Variants in KCNN2 observed in about 807,000 individuals in gnomAD.
KCNN2 encodes the protein small conductance calcium-activated potassium channel protein 2.
Under a neutral mutation model 55.5 loss-of-function variants are expected in KCNN2, and 24 were observed. That is an observed-to-expected ratio of 0.43 (90% confidence interval 0.31 to 0.61). KCNN2 has a LOEUF of 0.61. Ranked by LOEUF, KCNN2 falls within the 20% of genes least tolerant of loss-of-function variation. The pLI, the probability that KCNN2 is intolerant of heterozygous loss-of-function variation, is 0.08. For missense variants in KCNN2, 754 were observed against 853.6 expected (o/e 0.88, Z 1.45); for synonymous variants, 431 against 336.1 (o/e 1.28, Z -3.09).
At chr5:114,377,882 A>G (rs981016767) in intron 2 of KCNN2, among the ~76,000 whole-genome samples, 5 of 152,218 alleles carry the variant, frequency 3.3e-5, no homozygotes, top group Admixed American at 6.5e-5. Flanking sequence ...TAAATGCTCA[A>G]TAAGTCTTAA....
chr5:114,285,322 A>AAAATATAT (rs1755719837), intron 2 of KCNN2, among the ~76,000 whole-genome samples: 1 of 151,728 alleles, frequency 6.6e-6, no homozygotes, highest in African/African-American at 2.4e-5. Flanking sequence ...ACAGTTGGCA[A>AAAATATAT]AAATATATCG....
At chr5:114,363,821 G>A (rs1757523629) in intron 1 of KCNN2, 85 bp from the exon 2 acceptor site, 1 of 913,796 alleles carries the variant, frequency 1.1e-6, no homozygotes, top group East Asian at 2.4e-5. Context: ...AGGTCCACCT[G>A]TGGGGGACTG....
At chr5:114,462,923 T>C (rs1410552658) in intron 3 of KCNN2, 126 bp from the exon 4 acceptor site, 1 of 893,542 alleles carries the variant, frequency 1.1e-6, no homozygotes, top group African/African-American at 1.7e-5. Flanking sequence ...ATTCACAAGC[T>C]TTGAAAACTT....
At chr5:114,327,437 A>G (rs1756734094) in intron 2 of KCNN2, among the ~76,000 whole-genome samples, 1 of 152,228 alleles carries the variant, frequency 6.6e-6, no homozygotes, top group African/African-American at 2.4e-5. Flanking sequence ...TTGATCTGTT[A>G]ACACAGATGT....
intron 2 of KCNN2, among the ~76,000 whole-genome samples, chr5:114,346,129 C>T (rs575546891): frequency 2.0e-5 from 3 of 152,312 alleles, no homozygotes; most frequent in Admixed American, 2.0e-4. Context: ...AGAGCAGGCA[C>T]ATCACATGGC....
At chr5:114,148,388 A>C (rs575514598) in intron 1 of KCNN2, among the ~76,000 whole-genome samples, 2 of 152,260 alleles carry the variant, frequency 1.3e-5, no homozygotes, top group Admixed American at 6.5e-5. Context: ...AGGAGGGCTC[A>C]ATAATGTTTG....
chr5:114,281,416 T>G (rs114234049), intron 2 of KCNN2, among the ~76,000 whole-genome samples: 4,604 of 152,224 alleles, frequency 0.03, 246 homozygotes, highest in African/African-American at 0.1. Flanking sequence ...CTGGCAATTA[T>G]ATTAAATTTT....
intron 1 of KCNN2, among the ~76,000 whole-genome samples, chr5:114,144,955 A>C (rs1208445684): frequency 6.6e-6 from 1 of 152,130 alleles, no homozygotes; most frequent in South Asian, 2.1e-4. Flanking sequence ...TGGAAATAGT[A>C]GTGTAAATCA....
At chr5:114,363,798 CT>C in intron 1 of KCNN2, 107 bp from the exon 2 acceptor site, 1 of 753,814 alleles carries the variant, frequency 1.3e-6, no homozygotes. Flanking sequence ...CCTTATCTTC[CT>C]TCTGTGAGTT....
At chr5:114,470,871 C>T (rs560215015) in intron 4 of KCNN2, among the ~76,000 whole-genome samples, 6 of 152,164 alleles carry the variant, frequency 3.9e-5, no homozygotes, top group Non-Finnish European at 7.3e-5. Context: ...AAATTTCAGA[C>T]ACCTGGGTTT....
At chr5:114,453,706 C>G (rs1006018801) in intron 3 of KCNN2, among the ~76,000 whole-genome samples, 1 of 151,972 alleles carries the variant, frequency 6.6e-6, no homozygotes, top group South Asian at 2.1e-4. Context: ...TTTCTACTTT[C>G]TGGGAAATTT....
At chr5:114,393,622 A>G (rs890798912) in intron 2 of KCNN2, among the ~76,000 whole-genome samples, 1 of 152,188 alleles carries the variant, frequency 6.6e-6, no homozygotes, top group East Asian at 1.9e-4. Flanking sequence ...AAAGTCTCCC[A>G]TCCATTTCTA....
At chr5:114,301,763 A>T (rs1003060102) in intron 2 of KCNN2, among the ~76,000 whole-genome samples, 2 of 152,170 alleles carry the variant, frequency 1.3e-5, no homozygotes. Flanking sequence ...GGATTAGTCT[A>T]CTCAGCACTG....
chr5:114,240,427 C>CTTTTTTTTT (rs201223682), intron 2 of KCNN2, among the ~76,000 whole-genome samples: 1 of 130,404 alleles, frequency 7.7e-6, no homozygotes, highest in African/African-American at 2.8e-5. Flanking sequence ...TTTTCTTTCT[C>CTTTTTTTTT]TTTTTTTTTT....
chr5:114,490,589 C>T (rs1747798469), intron 6 of KCNN2: 1 of 396,872 alleles, frequency 2.5e-6, no homozygotes, highest in East Asian at 3.6e-5. Flanking sequence ...GAATCGAGCC[C>T]CTTGTGCACA....
chr5:114,074,145 T>G (rs1173476416), intron 1 of KCNN2, among the ~76,000 whole-genome samples: 1 of 152,230 alleles, frequency 6.6e-6, no homozygotes, highest in African/African-American at 2.4e-5. Flanking sequence ...TTAAACTGAT[T>G]ATTCAGACTA....
chr5:114,367,589 C>G (rs1397518705), intron 2 of KCNN2, among the ~76,000 whole-genome samples: 3 of 151,876 alleles, frequency 2.0e-5, no homozygotes, highest in Non-Finnish European at 2.9e-5. Flanking sequence ...AGTAAGTAGC[C>G]TTCCTACCTC....
intron 1 of KCNN2, among the ~76,000 whole-genome samples, chr5:114,127,672 C>T (rs967900540): frequency 6.6e-6 from 1 of 152,146 alleles, no homozygotes; most frequent in Non-Finnish European, 1.5e-5. Context: ...GTTTTTTATG[C>T]AAATTTCTGC....
chr5:114,117,775 A>G (rs965710771), intron 1 of KCNN2, among the ~76,000 whole-genome samples: 3 of 152,190 alleles, frequency 2.0e-5, no homozygotes, highest in African/African-American at 7.2e-5. Context: ...TTGAGCCCTC[A>G]TGTCATGCAG....
Sources: gnomAD v4.1 joint callset for allele counts (sites outside exome capture counted in the v4.1 genomes callset) on GRCh38, gnomAD v4.1.1 for gene constraint, MANE v1.5 for transcripts, NCBI Gene and HGNC (gene_info 2026-07-23, HGNC 2026-07-21) for gene names.